ZNRF3: variants seen among roughly 807,000 people sequenced by gnomAD.
ZNRF3 encodes E3 ubiquitin-protein ligase ZNRF3.
In ZNRF3, 23 loss-of-function variants were observed where a neutral mutation model predicts 72.5. The observed-to-expected ratio is 0.32, with a 90% CI of 0.23 to 0.45. The LOEUF is 0.45. Among genes scored for constraint, ZNRF3 ranks in the 20% least tolerant of loss-of-function variants. The pLI is 1.00. For synonymous variants in ZNRF3, 610 were observed against 545.3 expected (o/e 1.12, Z -1.65); for missense variants, 1,169 against 1,272.1 (o/e 0.92, Z 1.23).
intron 1 of ZNRF3, among the ~76,000 whole-genome samples, chr22:28,985,150 G>A (rs1158531007): frequency 6.6e-6 from 1 of 152,128 alleles, no homozygotes; most frequent in African/African-American, 2.4e-5. Context: ...TGGAGTCCAA[G>A]AATACCACTG....
At chr22:29,039,409 C>A (rs1983553) in intron 2 of ZNRF3, among the ~76,000 whole-genome samples, 84,320 of 151,862 alleles carry the variant, frequency 0.56, 23,697 homozygotes, top group African/African-American at 0.63. Flanking sequence ...TGAATTGTAC[C>A]TTCCCCGAGG....
rs943693509 is a variant in ZNRF3, at chr22:28,981,764, A to G, written c.301-5312A>G. On this transcript the variant is annotated intron_variant, in intron 1 of 8. Transcript: ENST00000544604. Reference sequence around the variant, plus strand: ...GTAATCCCAGCGTTTTGGGAGTCCAAGGCGGGTGGATCACCTGAGGTCAGG... The same window carrying G: ...GTAATCCCAGCGTTTTGGGAGTCCAGGGCGGGTGGATCACCTGAGGTCAGG... Among the ~76,000 whole-genome samples the G allele has an allele frequency of 1.5e-4, 23 of 152,266 alleles. 1 individual carries two copies. The highest frequency in any genetic ancestry group is 6.8e-3 in the Middle Eastern group (2 of 294).
intron 2 of ZNRF3, among the ~76,000 whole-genome samples, chr22:29,014,908 G>C (rs542623591): frequency 6.6e-6 from 1 of 152,362 alleles, no homozygotes; most frequent in South Asian, 2.1e-4. Flanking sequence ...CCTGAAAGAA[G>C]AGAGGGAAAG....
rs138371253 is a variant in ZNRF3 at position 28,912,662 on chromosome 22, CTTTTTT to C, written c.300+28610_300+28615del. ...TCAGGGACACGGTTTTCTTTTCTTT[CTTTTTT>C]TTTTTTTTTTTTTGAGACGGAGTTT... On this transcript the variant is annotated intron_variant, in intron 1 of 8. Coordinates refer to ENST00000544604, the MANE Select transcript of ZNRF3 (RefSeq NM_001206998.2). Among the ~76,000 whole-genome samples, 1,128 of 119,524 alleles carry C rather than the reference CTTTTTT, an allele frequency of 9.4e-3. 11 individuals are homozygous for C. The highest frequency in any genetic ancestry group is 0.014 in the Non-Finnish European group (803 of 55,912). 78.4% of individuals were successfully genotyped at this position (119,524 alleles called of 152,430 possible). A position where few individuals can be genotyped will look rare whatever the true frequency, so the allele number is the denominator to read the frequency against.
At chr22:28,897,169 G>T (rs71327328) in intron 1 of ZNRF3, among the ~76,000 whole-genome samples, 3 of 152,044 alleles carry the variant, frequency 2.0e-5, no homozygotes, top group African/African-American at 7.2e-5. Context: ...AAAATCTTTC[G>T]TGGCGTCCTG....
intron 2 of ZNRF3, among the ~76,000 whole-genome samples, chr22:29,031,908 T>C (rs939952054): frequency 6.6e-6 from 1 of 152,244 alleles, no homozygotes; most frequent in Admixed American, 6.5e-5. Context: ...CGGCTTTAGA[T>C]GGCTGTGTCT....
chr22:29,028,423 A>G (rs2036685053), intron 2 of ZNRF3, among the ~76,000 whole-genome samples: 1 of 152,240 alleles, frequency 6.6e-6, no homozygotes, highest in South Asian at 2.1e-4. Flanking sequence ...GAGAAGGGAG[A>G]CCAAGTGGGT....
At chr22:28,908,466 A>G (rs2034254046) in intron 1 of ZNRF3, among the ~76,000 whole-genome samples, 1 of 152,204 alleles carries the variant, frequency 6.6e-6, no homozygotes, top group Non-Finnish European at 1.5e-5. Context: ...GAGAGTCACT[A>G]ACTAGCAACC....
chr22:29,010,541 T>C (rs13058307), intron 2 of ZNRF3, among the ~76,000 whole-genome samples: 1 of 152,220 alleles, frequency 6.6e-6, no homozygotes, highest in Non-Finnish European at 1.5e-5. Flanking sequence ...TTGATTACTG[T>C]AAATAATGCT....
intron 2 of ZNRF3, among the ~76,000 whole-genome samples, chr22:28,988,215 T>C (rs2035890696): frequency 6.6e-6 from 1 of 152,198 alleles, no homozygotes; most frequent in Admixed American, 6.5e-5. Flanking sequence ...ACTGACTGGA[T>C]ATCTTTTATA....
intron 8 of ZNRF3, 54 bp downstream of exon 8, chr22:29,051,002 T>C: frequency 6.7e-7 from 1 of 1,486,990 alleles, no homozygotes; most frequent in Non-Finnish European, 8.9e-7. Flanking sequence ...CAGGGTCGTC[T>C]TGTCTTCTGT....
In ZNRF3 at chr22:29,027,240, T is replaced by TTTTA. The variant is rs553182581; in HGVS notation, c.427-15235_427-15232dup. On this transcript the variant is annotated intron_variant, in intron 2 of 8. Transcript: ENST00000544604. ...GTCTACCCCTCTATTTTTTATTTAATTTTATTTATTTATTTATTTATTTTT... is the reference window on the plus strand; with the variant it reads ...GTCTACCCCTCTATTTTTTATTTAATTTTATTTATTTATTTATTTATTTATTTTT... Among the ~76,000 whole-genome samples, 477 of 150,156 alleles carry TTTTA rather than the reference T, an allele frequency of 3.2e-3. 5 individuals are homozygous for TTTTA. The highest frequency in any genetic ancestry group is 0.011 in the African/African-American group (436 of 40,996).
chr22:28,885,754 T>C (rs2033774227), intron 1 of ZNRF3, among the ~76,000 whole-genome samples: 1 of 152,206 alleles, frequency 6.6e-6, no homozygotes, highest in Non-Finnish European at 1.5e-5. Flanking sequence ...AGTGTTATGC[T>C]TTGGAGATAA....
At chr22:28,977,535 A>G (rs117658579) in intron 1 of ZNRF3, among the ~76,000 whole-genome samples, 2,831 of 152,274 alleles carry the variant, frequency 0.019, 44 homozygotes, top group Middle Eastern at 0.054. Context: ...TTTTAAGAAA[A>G]GGTCTGGGAC....
At chr22:28,909,188 C>T (rs1216909022) in intron 1 of ZNRF3, among the ~76,000 whole-genome samples, 2 of 152,090 alleles carry the variant, frequency 1.3e-5, no homozygotes, top group Admixed American at 6.6e-5. Flanking sequence ...TGAGCCACCG[C>T]GCCCAGCCTC....
chr22:29,012,845 ACT>A (rs2036368809), intron 2 of ZNRF3, among the ~76,000 whole-genome samples: 1 of 152,060 alleles, frequency 6.6e-6, no homozygotes, highest in African/African-American at 2.4e-5. Context: ...AATATTTACA[ACT>A]CTGTGATCTG....
chr22:29,053,825 A>C lies in ZNRF3; in HGVS notation c.*203A>C. Reference sequence around the variant, plus strand: ...CCCCATTAACAAATCAACAGACAAAATTCTCCGAGTCCTTTGCCTCTTTTG... The same window carrying C: ...CCCCATTAACAAATCAACAGACAAACTTCTCCGAGTCCTTTGCCTCTTTTG... On this transcript the variant is annotated 3_prime_UTR_variant, in exon 9 of 9. Coordinates refer to ENST00000544604, the MANE Select transcript of ZNRF3 (RefSeq NM_001206998.2). The C allele has an allele frequency of 4.0e-6, 2 of 505,886 alleles. No individual in the cohort carries two copies. The highest frequency in any genetic ancestry group is 3.2e-5 in the East Asian group (1 of 31,186). The allele number at this position is 505,886 out of a possible 1,614,324, so 31.3% of individuals were successfully genotyped here.
chr22:28,978,686 G>T (rs1295574532), intron 1 of ZNRF3, among the ~76,000 whole-genome samples: 1 of 152,166 alleles, frequency 6.6e-6, no homozygotes, highest in Non-Finnish European at 1.5e-5. Context: ...ATAAAAAAGA[G>T]CATTATCTTG....
chr22:29,046,928 A>G, intron 6 of ZNRF3, 45 bp downstream of exon 6: 1 of 1,450,086 alleles, frequency 6.9e-7, no homozygotes, highest in Non-Finnish European at 9.2e-7. Flanking sequence ...AAACATAGGC[A>G]GGTCAGCAGA....
Sources: allele counts gnomAD v4.1 joint callset (sites outside exome capture counted in the v4.1 genomes callset), GRCh38; gene constraint gnomAD v4.1.1; transcripts MANE v1.5; gene names NCBI Gene and HGNC (gene_info 2026-07-23, HGNC 2026-07-21).